VRK3: variants seen among roughly 807,000 people sequenced by gnomAD.
VRK3 encodes the protein VRK serine/threonine kinase 3, also known as serine/threonine-protein kinase VRK3.
In VRK3, 50 loss-of-function variants were observed where a neutral mutation model predicts 60.4. The ratio of observed to expected loss-of-function variants is 0.83; its 90% confidence interval spans 0.66 to 1.05. The LOEUF is 1.05. Among genes scored for constraint, VRK3 ranks in the 50% least tolerant of loss-of-function variants. The probability of loss-of-function intolerance (pLI) is 0.00; values close to 1 mark genes in which losing one functional copy is unlikely to be tolerated. For missense variants in VRK3, 549 were observed against 585.3 expected, an observed-to-expected ratio of 0.94 and a Z score of 0.64; for synonymous variants, 246 against 227.8, an observed-to-expected ratio of 1.08 and a Z score of -0.72.
At position 49,979,235 on chromosome 19, in the gene VRK3, C is replaced by T. The variant is rs1322583158; in HGVS notation, c.1284G>A (p.Leu428=). The part of the protein sequence containing the change: ...CGHWIRPSET[L]QKYLKVVMAL... ...CCATCACCACCTTCAGGTACTTCTG[C>T]AGGGTCTCTGTGGTCAAGACAACCC... is the stretch of plus-strand genomic sequence containing the variant. The change falls in exon 14 of 15, where the codon CTG becomes CTA. Residue 428 remains leucine (L), a synonymous_variant. Coordinates refer to ENST00000316763, the MANE Select transcript of VRK3 (RefSeq NM_016440.4). 1.9e-6 allele frequency: 3 copies of T among 1,613,992 alleles called. No individual in the cohort carries two copies. The highest frequency in any genetic ancestry group is 1.3e-5 in the African/African-American group (1 of 74,914).
chr19:49,995,298 G>T (rs9304699), intron 7 of VRK3, 23 bp from the exon 8 acceptor site: 1 of 1,611,630 alleles, frequency 6.2e-7, no homozygotes, highest in Non-Finnish European at 8.5e-7. Context: ...GGGGCTTGAG[G>T]TTAGAACCCA....
chr19:50,023,559 GA>G, intron 1 of VRK3, among the ~76,000 whole-genome samples: 1 of 152,324 alleles, frequency 6.6e-6, no homozygotes, highest in Non-Finnish European at 1.5e-5. Context: ...GTCACTACCT[GA>G]CATACTCTGA....
At chr19:49,989,405 A>C (rs1469957330) in intron 11 of VRK3, among the ~76,000 whole-genome samples, 1 of 152,086 alleles carries the variant, frequency 6.6e-6, no homozygotes, top group Non-Finnish European at 1.5e-5. Flanking sequence ...CCTGAACCCC[A>C]ACCTCTGGAA....
At chr19:49,978,217 T>A (rs1357432972) in intron 14 of VRK3, among the ~76,000 whole-genome samples, 1 of 152,102 alleles carries the variant, frequency 6.6e-6, no homozygotes, top group Non-Finnish European at 1.5e-5. Flanking sequence ...ACCAAGTGTC[T>A]CCAGACACTG....
intron 5 of VRK3, 107 bp from the exon 6 acceptor site, chr19:50,000,961 A>AGCGCCCTGGT: frequency 9.2e-7 from 1 of 1,086,874 alleles, no homozygotes; most frequent in Non-Finnish European, 1.3e-6. Flanking sequence ...CCTGGTTCCA[A>AGCGCCCTGGT]CAAGGTCAAG....
intron 5 of VRK3, among the ~76,000 whole-genome samples, chr19:50,007,160 C>T (rs2076907490): frequency 6.6e-6 from 1 of 152,168 alleles, no homozygotes; most frequent in Non-Finnish European, 1.5e-5. Flanking sequence ...GTGTGTGTGA[C>T]ATCATCAGTC....
intron 11 of VRK3, among the ~76,000 whole-genome samples, chr19:49,988,959 C>A (rs2076564245): frequency 1.3e-5 from 2 of 152,156 alleles, no homozygotes; most frequent in African/African-American, 4.8e-5. Context: ...GGGGGAGACT[C>A]TGACAGTTTA....
chr19:50,009,804 C>T (rs556371395), intron 3 of VRK3, among the ~76,000 whole-genome samples: 109 of 152,136 alleles, frequency 7.2e-4, no homozygotes, highest in Middle Eastern at 3.4e-3. Flanking sequence ...TGTAATGTTG[C>T]TAATTTTTAT....
intron 10 of VRK3, among the ~76,000 whole-genome samples, chr19:49,991,550 C>T (rs1415094640): frequency 6.6e-6 from 1 of 151,992 alleles, no homozygotes; most frequent in Admixed American, 6.6e-5. Flanking sequence ...CACACACACA[C>T]CCTGCCAGTT....
intron 8 of VRK3, 39 bp from the exon 9 acceptor site, chr19:49,994,958 A>G: frequency 1.3e-6 from 2 of 1,585,924 alleles, no homozygotes; most frequent in Non-Finnish European, 1.7e-6. Context: ...GGAGATGAAC[A>G]GGGGAGAGAG....
intron 4 of VRK3, 141 bp from the exon 5 acceptor site, chr19:50,007,967 G>A: frequency 7.9e-7 from 1 of 1,265,942 alleles, no homozygotes; most frequent in Non-Finnish European, 1.1e-6. Context: ...TATGAGTCAG[G>A]CCTTTGTGTG....
intron 12 of VRK3, chr19:49,986,171 T>G (rs535431172): frequency 6.6e-6 from 1 of 152,176 alleles, no homozygotes; most frequent in Admixed American, 6.5e-5. Flanking sequence ...AAGAACATCA[T>G]AGAGTTTTTA....
At position 50,020,204 on chromosome 19, in the gene VRK3, C is replaced by T. The variant is rs140581185; in HGVS notation, c.-2+381G>A. 1.8e-3 allele frequency among the ~76,000 whole-genome samples: 277 copies of T among 152,236 alleles called. 2 individuals are homozygous for T. The highest frequency in any genetic ancestry group is 6.5e-3 in the African/African-American group (268 of 41,548). On this transcript the variant is annotated intron_variant, in intron 2 of 14. Coordinates refer to ENST00000316763, the MANE Select transcript of VRK3 (RefSeq NM_016440.4). ...TACAGGTAGGCGCCACCATACCTAGCTAATTTTTATATTTTTAGTAGAGAT... is the reference window on the plus strand; with the variant it reads ...TACAGGTAGGCGCCACCATACCTAGTTAATTTTTATATTTTTAGTAGAGAT...
At chr19:49,979,564 G>A (rs1232338008) in intron 13 of VRK3, among the ~76,000 whole-genome samples, 1 of 152,144 alleles carries the variant, frequency 6.6e-6, no homozygotes, top group African/African-American at 2.4e-5. Flanking sequence ...GCAAATCCCA[G>A]CTAGCAATGC....
Position 49,994,730 on chromosome 19 carries a change from A to T in VRK3, c.870+84T>A, listed in dbSNP as rs10409085. ...GCAGCGGAGGGGGGTGGGGGCCGGA[A>T]GTGTCAATGACTAAAGTGCCTGCTA... is the stretch of plus-strand genomic sequence containing the variant. On this transcript the variant is annotated intron_variant, in intron 9 of 14. Coordinates refer to ENST00000316763, the MANE Select transcript of VRK3 (RefSeq NM_016440.4). 13,583 of 1,236,778 alleles carry T rather than the reference A, an allele frequency of 0.011. 1,133 individuals are homozygous for T. The African/African-American group carries it at 0.18, about 16-fold the overall frequency. The allele number at this position is 1,236,778 out of a possible 1,614,324, so 76.6% of individuals were successfully genotyped here.
chr19:50,023,662 G>C (rs1043452881), intron 1 of VRK3, among the ~76,000 whole-genome samples: 1 of 152,052 alleles, frequency 6.6e-6, no homozygotes, highest in Non-Finnish European at 1.5e-5. Context: ...CTGGCACAGA[G>C]CAAATGCTGG....
intron 12 of VRK3, chr19:49,981,720 T>G: frequency 1.0e-6 from 1 of 1,001,974 alleles, no homozygotes; most frequent in Non-Finnish European, 1.2e-6. Context: ...ATAAAGATTT[T>G]ATTACTTACA....
chr19:49,986,131 G>T (rs1249693620), intron 12 of VRK3, among the ~76,000 whole-genome samples: 1 of 152,230 alleles, frequency 6.6e-6, no homozygotes, highest in East Asian at 1.9e-4. Context: ...TCTGGGCATG[G>T]TGCCACTTAT....
chr19:50,007,865 A>C, intron 4 of VRK3, 39 bp from the exon 5 acceptor site: 3 of 1,608,288 alleles, frequency 1.9e-6, no homozygotes, highest in Non-Finnish European at 2.5e-6. Context: ...AGCACCATCC[A>C]GGAGAGAAAA....
Sources: allele counts gnomAD v4.1 joint callset (sites outside exome capture counted in the v4.1 genomes callset), GRCh38; gene constraint gnomAD v4.1.1; transcripts MANE v1.5; gene names NCBI Gene and HGNC (gene_info 2026-07-23, HGNC 2026-07-21).